The following RIDA variants were observed in gnomAD, a reference collection of about 807,000 sequenced individuals.
The protein encoded by RIDA is 2-iminobutanoate/2-iminopropanoate deaminase.
Under a neutral mutation model 17.8 loss-of-function variants are expected in RIDA, and 17 were observed. That is an observed-to-expected ratio of 0.96 (90% CI 0.65 to 1.43). The LOEUF (loss-of-function observed/expected upper bound fraction) is 1.43, where lower values mean the gene tolerates loss of function less well. Among genes scored for constraint, RIDA ranks in the 40% most tolerant of loss-of-function variants. The probability of loss-of-function intolerance (pLI) is 0.00; values close to 1 mark genes in which losing one functional copy is unlikely to be tolerated. For missense variants in RIDA, 158 were observed against 161.7 expected, an observed-to-expected ratio of 0.98 and a Z score of 0.12; for synonymous variants, 48 against 55.7, an observed-to-expected ratio of 0.86 and a Z score of 0.62.
Position 98,102,833 on chromosome 8 carries a change from T to C in RIDA, c.*9A>G, listed in dbSNP as rs772254022. On this transcript the variant is annotated 3_prime_UTR_variant, in exon 6 of 6. Transcript: ENST00000254878. The stretch of plus-strand genomic sequence containing the variant: ...TTAACAATTCCAGACTACACAGCAC[T>C]GGGCCCACTTATAGTGATGCCGTTG... 17 of 1,599,574 alleles carry C rather than the reference T, an allele frequency of 1.1e-5. No homozygotes were observed. Among genetic ancestry groups the C allele is most frequent in the South Asian group, 8.8e-5 (8 of 90,454 alleles).
rs146136727 is a variant in RIDA, at chr8:98,106,169, T to C, written c.226+103A>G. On this transcript the variant is annotated intron_variant, in intron 3 of 5. Coordinates refer to ENST00000254878, the MANE Select transcript of RIDA (RefSeq NM_005836.3). ...GTTGCTATTTAAAACAACTTTTAAA[T>C]AGCAACAAAGATATGGCACGGCATC... 2.5e-3 allele frequency: 3,059 copies of C among 1,223,914 alleles called. 64 individuals carry two copies. The African/African-American group carries it at 0.039, about 16-fold the overall frequency. 75.8% of individuals were successfully genotyped at this position (1,223,914 alleles called of 1,614,324 possible). A position where few individuals can be genotyped will look rare whatever the true frequency, so the allele number is the denominator to read the frequency against.
rs779270844 is a variant in RIDA at position 98,108,729 on chromosome 8, T to A, written c.88A>T (p.Thr30Ser). 1.9e-5 allele frequency: 31 copies of A among 1,611,916 alleles called. 1 individual carries two copies. In the South Asian group the frequency reaches 3.4e-4, roughly 18 times the overall value. Residue 30 changes from threonine (T) to serine (S), a missense_variant, in exon 2 of 6, where the codon ACC becomes TCC. By Grantham distance (58) the Thr-to-Ser change is moderately conservative. Coordinates refer to ENST00000254878, the MANE Select transcript of RIDA (RefSeq NM_005836.3). The stretch of plus-strand genomic sequence containing the variant: ...CCTATCTGTCCTGAAATGTAAATGG[T>A]CCTGTCGACTAATACAGCTTGACTG... ...PYSQAVLVDR[T>S]IYISGQIGMD...
intron 1 of RIDA, among the ~76,000 whole-genome samples, chr8:98,114,691 G>C (rs1298777698): frequency 6.6e-6 from 1 of 151,940 alleles, no homozygotes; most frequent in East Asian, 1.9e-4. Flanking sequence ...TTATCAAATG[G>C]TATTATTTAT....
In RIDA at chr8:98,117,166, T is replaced by G; in HGVS notation, c.-70A>C. ...AGCACCAGCCCTGCTGGCTTCTTAC[T>G]GGACTGACCAACCACAGCAGCGCCT... is the stretch of plus-strand genomic sequence containing the variant. On this transcript the variant is annotated 5_prime_UTR_variant, in exon 1 of 6. Coordinates refer to ENST00000254878, the MANE Select transcript of RIDA (RefSeq NM_005836.3). 7.0e-7 allele frequency: 1 copy of G among 1,435,010 alleles called. No individual in the cohort carries two copies. 88.9% of individuals were successfully genotyped at this position (1,435,010 alleles called of 1,614,324 possible). A position where few individuals can be genotyped will look rare whatever the true frequency, so the allele number is the denominator to read the frequency against.
chr8:98,103,264 T>C (rs73701251), intron 5 of RIDA, among the ~76,000 whole-genome samples: 11,128 of 152,246 alleles, frequency 0.073, 487 homozygotes, highest in Middle Eastern at 0.22. Context: ...TCAGAGCTCT[T>C]TCTACTACAC....
chr8:98,103,227 T>C (rs1815584505), intron 5 of RIDA, among the ~76,000 whole-genome samples: 1 of 152,192 alleles, frequency 6.6e-6, no homozygotes, highest in Admixed American at 6.5e-5. Flanking sequence ...ATAGCAGAGG[T>C]TGAACCCTTG....
Position 98,117,126 on chromosome 8 carries a change from A to G in RIDA, c.-30T>C. On this transcript the variant is annotated 5_prime_UTR_variant, in exon 1 of 6. Coordinates refer to ENST00000254878, the MANE Select transcript of RIDA (RefSeq NM_005836.3). ...AAGCCTTCCCTCTTGCAGCCCCTTC[A>G]GGAGAAGAAGCCCCAGCACCAGCCC... The G allele has an allele frequency of 6.2e-7, 1 of 1,607,224 alleles. No individual in the cohort carries two copies. The highest frequency in any genetic ancestry group is 8.5e-7 in the Non-Finnish European group (1 of 1,173,688).
intron 1 of RIDA, among the ~76,000 whole-genome samples, chr8:98,109,152 C>A (rs1815681528): frequency 6.6e-6 from 1 of 152,098 alleles, no homozygotes; most frequent in African/African-American, 2.4e-5. Flanking sequence ...CATGAGTATA[C>A]CACTGCGCTC....
chr8:98,108,577 G>T, intron 2 of RIDA, 69 bp downstream of exon 2: 1 of 954,118 alleles, frequency 1.0e-6, no homozygotes, highest in Non-Finnish European at 1.7e-6. Context: ...CAGGCAAGTG[G>T]ATTCTTAATG....
chr8:98,112,857 A>G (rs1207753268), intron 1 of RIDA, among the ~76,000 whole-genome samples: 1 of 152,220 alleles, frequency 6.6e-6, no homozygotes, highest in Non-Finnish European at 1.5e-5. Context: ...ATGATAGTAA[A>G]AAGAAACTCT....
At chr8:98,106,158 C>T in intron 3 of RIDA, 114 bp downstream of exon 3, 2 of 1,175,474 alleles carry the variant, frequency 1.7e-6, no homozygotes, top group Non-Finnish European at 2.5e-6. Context: ...CTATTTAAAA[C>T]AACTTTTAAA....
At chr8:98,111,415 C>G (rs1195164415) in intron 1 of RIDA, among the ~76,000 whole-genome samples, 4 of 152,088 alleles carry the variant, frequency 2.6e-5, no homozygotes, top group Non-Finnish European at 5.9e-5. Context: ...CAAGGCCAGC[C>G]TTGCCAACAT....
intron 2 of RIDA, 183 bp from the exon 3 acceptor site, chr8:98,106,509 G>A: frequency 1.8e-6 from 1 of 544,594 alleles, no homozygotes; most frequent in Non-Finnish European, 3.3e-6. Flanking sequence ...TCTGATATAT[G>A]GTGAAAATGT....
intron 1 of RIDA, among the ~76,000 whole-genome samples, chr8:98,114,151 G>A (rs1815767361): frequency 7.0e-6 from 1 of 142,342 alleles, no homozygotes. Context: ...CTGTGATCCC[G>A]GCTCCAGCCT....
chr8:98,113,203 T>C (rs1239869575), intron 1 of RIDA, among the ~76,000 whole-genome samples: 1 of 152,236 alleles, frequency 6.6e-6, no homozygotes, highest in Admixed American at 6.5e-5. Flanking sequence ...AATGTTGAAA[T>C]CTTTCAAGGT....
Position 98,117,130 on chromosome 8 carries a change from G to A in RIDA, c.-34C>T, listed in dbSNP as rs764768457. The A allele has an allele frequency of 3.7e-6, 6 of 1,603,786 alleles. No homozygotes were observed. In the African/African-American group the frequency reaches 4.0e-5, roughly 11 times the overall value. On this transcript the variant is annotated 5_prime_UTR_variant, in exon 1 of 6. Transcript: ENST00000254878. Reference sequence around the variant, plus strand: ...CTTCCCTCTTGCAGCCCCTTCAGGAGAAGAAGCCCCAGCACCAGCCCTGCT... The same window carrying A: ...CTTCCCTCTTGCAGCCCCTTCAGGAAAAGAAGCCCCAGCACCAGCCCTGCT...
intron 1 of RIDA, 84 bp downstream of exon 1, chr8:98,116,948 G>GGGCTCCGGCCCGGAGT: frequency 9.1e-7 from 1 of 1,094,650 alleles, no homozygotes; most frequent in Non-Finnish European, 1.4e-6. Flanking sequence ...GTGTTAGCTG[G>GGGCTCCGGCCCGGAGT]GGCTCCGGCC....
At chr8:98,116,793 G>A (rs1165221037) in intron 1 of RIDA, among the ~76,000 whole-genome samples, 2 of 152,238 alleles carry the variant, frequency 1.3e-5, no homozygotes, top group Non-Finnish European at 1.5e-5. Context: ...ACTGGGGAGA[G>A]CTTTCTGGCA....
chr8:98,112,395 C>T (rs1387630169), intron 1 of RIDA, among the ~76,000 whole-genome samples: 2 of 152,156 alleles, frequency 1.3e-5, no homozygotes, highest in Non-Finnish European at 2.9e-5. Context: ...AATGTCTTAC[C>T]ATGTCTCTGT....
Sources: gnomAD v4.1 joint callset for allele counts (sites outside exome capture counted in the v4.1 genomes callset) on GRCh38, gnomAD v4.1.1 for gene constraint, MANE v1.5 for transcripts, NCBI Gene and HGNC (gene_info 2026-07-23, HGNC 2026-07-21) for gene names.